Variants in JAKMIP3 observed in about 807,000 individuals in gnomAD.
JAKMIP3 encodes the protein Janus kinase and microtubule interacting protein 3, also known as janus kinase and microtubule-interacting protein 3.
A neutral mutation model predicts 118.5 loss-of-function variants in JAKMIP3; 58 were observed. The ratio of observed to expected loss-of-function variants is 0.49; its 90% CI spans 0.40 to 0.61. The LOEUF (loss-of-function observed/expected upper bound fraction) is 0.61. Ranked by LOEUF, JAKMIP3 falls within the 20% of genes least tolerant of loss-of-function variation. The probability of loss-of-function intolerance (pLI) is 0.00; values close to 1 mark genes in which losing one functional copy is unlikely to be tolerated. For synonymous variants in JAKMIP3, 486 were observed against 451.2 expected, an observed-to-expected ratio of 1.08 and a Z score of -0.98; for missense variants, 950 against 1,109.0, an observed-to-expected ratio of 0.86 and a Z score of 2.04.
chr10:132,039,246 A>G (rs2037633847), intron 1 of JAKMIP3, among the ~76,000 whole-genome samples: 1 of 152,118 alleles, frequency 6.6e-6, no homozygotes, highest in Non-Finnish European at 1.5e-5. Flanking sequence ...TTGGTCTCCC[A>G]GACTGCTGGG....
intron 9 of JAKMIP3, among the ~76,000 whole-genome samples, chr10:132,138,855 C>T (rs1197137317): frequency 2.0e-5 from 3 of 152,224 alleles, no homozygotes; most frequent in Non-Finnish European, 4.4e-5. Context: ...TGCCGTTCAC[C>T]GTCCTCGGCC....
Position 132,148,470 on chromosome 10 carries a change from G to GCCCGTCCTCCATCCA in JAKMIP3, c.1848+424_1848+438dup, listed in dbSNP as rs747575138. Among the ~76,000 whole-genome samples, 209 of 96,222 alleles carry GCCCGTCCTCCATCCA rather than the reference G, an allele frequency of 2.2e-3. 1 individual carries two copies. The highest frequency in any genetic ancestry group is 4.1e-3 in the Non-Finnish European group (170 of 41,170). 63.1% of individuals were successfully genotyped at this position (96,222 alleles called of 152,430 possible). A position where few individuals can be genotyped will look rare whatever the true frequency, so the allele number is the denominator to read the frequency against. On this transcript the variant is annotated intron_variant, in intron 14 of 23. Coordinates refer to ENST00000684848, the MANE Select transcript of JAKMIP3 (RefSeq NM_001323087.2). ...TCCTCCATCTGCCCGTCCTCCATCC[G>GCCCGTCCTCCATCCA]CCCGTCCTCCATCCACCCCCAAGGA...
At chr10:132,105,066 G>A in intron 2 of JAKMIP3, 123 bp downstream of exon 2, 1 of 1,180,810 alleles carries the variant, frequency 8.5e-7, no homozygotes, top group Non-Finnish European at 1.2e-6. Context: ...AGTCCTAAAG[G>A]CTGCTTGGGA....
intron 20 of JAKMIP3, among the ~76,000 whole-genome samples, chr10:132,163,766 G>A (rs1291235147): frequency 2.0e-5 from 3 of 152,354 alleles, no homozygotes; most frequent in South Asian, 4.1e-4. Context: ...AGTGTCCTGG[G>A]CGTGTTGCGG....
rs2056665714 is a variant in JAKMIP3 at position 132,153,936 on chromosome 10, C to T, written c.2166C>T (p.Gly722=). The T allele has an allele frequency of 1.2e-6, 2 of 1,612,980 alleles. No individual in the cohort carries two copies. Among genetic ancestry groups the T allele is most frequent in the Middle Eastern group, 1.6e-4 (1 of 6,082 alleles). Residue 722 remains glycine, a synonymous_variant, in exon 19 of 24, where the codon GGC becomes GGT. Coordinates refer to ENST00000684848, the MANE Select transcript of JAKMIP3 (RefSeq NM_001323087.2). ...SEKELFSKQK[G]YLDEELDYRK... is the part of the protein sequence containing the mutation. ...AGGAGCTGTTCAGTAAGCAGAAGGG[C>T]TACCTGGACGAGGAGCTGGACTACC...
chr10:132,056,246 C>T (rs945483552), intron 1 of JAKMIP3, among the ~76,000 whole-genome samples: 4 of 152,186 alleles, frequency 2.6e-5, no homozygotes, highest in South Asian at 2.1e-4. Context: ...ACATTGCCAC[C>T]GGGCTGTAAA....
intron 1 of JAKMIP3, among the ~76,000 whole-genome samples, chr10:132,046,191 A>T (rs1490171411): frequency 1.3e-5 from 2 of 152,178 alleles, no homozygotes; most frequent in Non-Finnish European, 2.9e-5. Context: ...GTGGTGGCTC[A>T]TGCCTGTAAT....
chr10:132,042,215 C>CTTCT (rs2037784342), intron 1 of JAKMIP3, among the ~76,000 whole-genome samples: 1 of 147,188 alleles, frequency 6.8e-6, no homozygotes, highest in Non-Finnish European at 1.5e-5. Flanking sequence ...TCCTTCCTTC[C>CTTCT]TTCTTTCCTC....
At chr10:132,151,581 G>A (rs989697825) in intron 16 of JAKMIP3, among the ~76,000 whole-genome samples, 2 of 152,248 alleles carry the variant, frequency 1.3e-5, no homozygotes, top group African/African-American at 4.8e-5. Context: ...GCCCCATCAT[G>A]AGGTCTTGGG....
In JAKMIP3 at chr10:132,135,939, G is replaced by GT; in HGVS notation, c.980dup (p.Arg328LysfsTer4). 1.9e-6 allele frequency: 3 copies of GT among 1,612,060 alleles called. No individual in the cohort carries two copies. Among genetic ancestry groups the GT allele is most frequent in the Non-Finnish European group, 2.5e-6 (3 of 1,179,322 alleles). On this transcript the variant is annotated frameshift_variant, in exon 6 of 24. Transcript: ENST00000684848. ...GTGCGTTGTCTTTCAGTTGAAGCGC[G>GT]TAAGAGAAGCTGAGAGTCAGTACAA...
intron 1 of JAKMIP3, among the ~76,000 whole-genome samples, chr10:132,048,942 G>A (rs150228420): frequency 1.3e-5 from 2 of 152,074 alleles, no homozygotes; most frequent in East Asian, 3.9e-4. Flanking sequence ...GCCCGGCCTG[G>A]GCTTGACTGT....
At chr10:132,133,603 G>A (rs1484435677) in intron 4 of JAKMIP3, 76 bp downstream of exon 4, 5 of 1,355,114 alleles carry the variant, frequency 3.7e-6, no homozygotes, top group African/African-American at 1.4e-5. Flanking sequence ...GGCCCTGCAT[G>A]GGCCACTCCC....
intron 2 of JAKMIP3, among the ~76,000 whole-genome samples, chr10:132,107,779 C>T (rs1206662049): frequency 2.6e-5 from 4 of 152,234 alleles, no homozygotes; most frequent in African/African-American, 4.8e-5. Context: ...GGCCTGTCGA[C>T]GGCATCCAGG....
In JAKMIP3 at chr10:132,140,372, G is replaced by C. The variant is rs865964316; in HGVS notation, c.1345-79G>C. The C allele has an allele frequency of 1.2e-5, 19 of 1,589,842 alleles. No homozygotes were observed. In the Middle Eastern group the frequency reaches 1.0e-3, roughly 85 times the overall value. On this transcript the variant is annotated intron_variant, in intron 9 of 23. Transcript: ENST00000684848. ...GGTGGGGCTGCGGCCCCCACCGTTG[G>C]GCAGCGGGAGGAGGCGGCGGGAGGA... is the stretch of plus-strand genomic sequence containing the variant.
rs2037827418 is a variant in JAKMIP3, at chr10:132,043,719, TG to T, written c.-138+6987del. 2.6e-5 allele frequency among the ~76,000 whole-genome samples: 4 copies of T among 152,182 alleles called. No homozygotes were observed. The South Asian group carries it at 8.3e-4, about 32-fold the overall frequency. ...CTGGACACAGCATGACGAGGAGGGC[TG>T]GGGGGAGCGGGGCCCTTTCCAGCCC... On this transcript the variant is annotated intron_variant, in intron 1 of 23. Coordinates refer to the JAKMIP3 transcript ENST00000657785.
chr10:132,141,817 T>G, intron 10 of JAKMIP3, 103 bp from the exon 11 acceptor site: 6 of 1,293,512 alleles, frequency 4.6e-6, no homozygotes, highest in Non-Finnish European at 6.4e-6. Context: ...CATACACCAT[T>G]TGATATCTGG....
rs1041516247 is a variant in JAKMIP3, at chr10:132,183,823, A to T, written c.*2570A>T. On this transcript the variant is annotated 3_prime_UTR_variant, in exon 24 of 24. Coordinates refer to ENST00000684848, the MANE Select transcript of JAKMIP3 (RefSeq NM_001323087.2). ...CCCAAAAAGGTAAATATGAGCATTT[A>T]TCACTGACTCCTCCTGGTCCAGTGA... 13 of 152,118 alleles carry T rather than the reference A, an allele frequency of 8.5e-5. No individual in the cohort carries two copies. Among genetic ancestry groups the T allele is most frequent in the Non-Finnish European group, 1.9e-4 (13 of 67,952 alleles). The allele number at this position is 152,118 out of a possible 1,614,324, so 9.4% of individuals were successfully genotyped here.
chr10:132,179,886 G>A lies in JAKMIP3; in HGVS notation c.*1104-2471G>A, dbSNP rs968031029. Among the ~76,000 whole-genome samples the A allele has an allele frequency of 2.0e-5, 3 of 152,158 alleles. No homozygotes were observed. Among genetic ancestry groups the A allele is most frequent in the Non-Finnish European group, 4.4e-5 (3 of 68,038 alleles). On this transcript the variant is annotated intron_variant, in intron 23 of 23. Coordinates refer to ENST00000684848, the MANE Select transcript of JAKMIP3 (RefSeq NM_001323087.2). The surrounding 1 kb of genome is among the most constrained non-coding windows in gnomAD (Gnocchi z 4.3). ...GGAGAGGCCTGTGAGCAGACTTCCTGTGCTCTCTCCCCTCCCATGCTCTTC... is the reference window on the plus strand; with the variant it reads ...GGAGAGGCCTGTGAGCAGACTTCCTATGCTCTCTCCCCTCCCATGCTCTTC...
chr10:132,091,970 G>A (rs2043151712), intron 1 of JAKMIP3, among the ~76,000 whole-genome samples: 1 of 152,154 alleles, frequency 6.6e-6, no homozygotes, highest in Non-Finnish European at 1.5e-5. Flanking sequence ...AGGCCTGGTG[G>A]TGACAAAATC....
Sources: allele counts gnomAD v4.1 joint callset (sites outside exome capture counted in the v4.1 genomes callset), GRCh38; gene constraint gnomAD v4.1.1; non-coding constraint Gnocchi (gnomAD v3.1); transcripts MANE v1.5; gene names NCBI Gene and HGNC (gene_info 2026-07-23, HGNC 2026-07-21).